Variants in RHOBTB3 observed in about 807,000 individuals in gnomAD.
The protein encoded by RHOBTB3 is Rho related BTB domain containing 3, also known as rho-related BTB domain-containing protein 3.
A neutral mutation model predicts 67.2 loss-of-function variants in RHOBTB3; 47 were observed. That is an observed-to-expected ratio of 0.70 (90% CI 0.55 to 0.89). The LOEUF (loss-of-function observed/expected upper bound fraction) is 0.89. RHOBTB3 is among the 40% of genes least tolerant of loss of function. The probability of loss-of-function intolerance (pLI) is 0.00; values close to 1 mark genes in which losing one functional copy is unlikely to be tolerated. For missense variants in RHOBTB3, 631 were observed against 750.0 expected, an observed-to-expected ratio of 0.84 and a Z score of 1.85; for synonymous variants, 273 against 274.2, an observed-to-expected ratio of 1.00 and a Z score of 0.04.
chr5:95,774,472 C>G (rs1251491839), intron 8 of RHOBTB3, among the ~76,000 whole-genome samples: 1 of 152,108 alleles, frequency 6.6e-6, no homozygotes, highest in African/African-American at 2.4e-5. Flanking sequence ...ATGGCTATAT[C>G]CTATTTTCTT....
intron 8 of RHOBTB3, among the ~76,000 whole-genome samples, chr5:95,770,971 G>A (rs940295514): frequency 6.6e-6 from 1 of 151,918 alleles, no homozygotes; most frequent in Non-Finnish European, 1.5e-5. Flanking sequence ...GATACTGGGT[G>A]AAAGAGCCAC....
intron 4 of RHOBTB3, among the ~76,000 whole-genome samples, chr5:95,750,766 G>A (rs538717801): frequency 6.6e-6 from 1 of 152,252 alleles, no homozygotes; most frequent in South Asian, 2.1e-4. Context: ...ATGGGGAATG[G>A]GGGAGGGGAC....
chr5:95,768,231 T>C, intron 8 of RHOBTB3, 65 bp downstream of exon 8: 1 of 1,486,320 alleles, frequency 6.7e-7, no homozygotes, highest in Non-Finnish European at 9.2e-7. Flanking sequence ...CCTTGCTTTC[T>C]ACTTCAGGTT....
intron 1 of RHOBTB3, among the ~76,000 whole-genome samples, chr5:95,720,480 C>T: frequency 6.6e-6 from 1 of 152,194 alleles, no homozygotes; most frequent in African/African-American, 2.4e-5. Context: ...TCTCCTAATT[C>T]TAGAGTCTAG....
At chr5:95,765,963 G>A (rs902856214) in intron 7 of RHOBTB3, among the ~76,000 whole-genome samples, 5 of 152,036 alleles carry the variant, frequency 3.3e-5, no homozygotes, top group East Asian at 1.9e-4. Flanking sequence ...TGCCCAGCCC[G>A]GTGATGCTTT....
chr5:95,766,372 G>C (rs1159544097), intron 7 of RHOBTB3, among the ~76,000 whole-genome samples: 1 of 151,844 alleles, frequency 6.6e-6, no homozygotes, highest in Non-Finnish European at 1.5e-5. Context: ...TCAGCAGGGG[G>C]AATGGGTGGA....
chr5:95,745,658 T>C (rs1001983411), intron 3 of RHOBTB3, among the ~76,000 whole-genome samples: 5 of 151,856 alleles, frequency 3.3e-5, no homozygotes, highest in African/African-American at 1.2e-4. Flanking sequence ...TAAAAAAAAA[T>C]AGACAGCATT....
chr5:95,780,846 T>G (rs551745520), intron 9 of RHOBTB3, among the ~76,000 whole-genome samples: 1 of 152,290 alleles, frequency 6.6e-6, no homozygotes, highest in South Asian at 2.1e-4. Context: ...TGGGGCACTT[T>G]TAAGGACTTT....
intron 10 of RHOBTB3, among the ~76,000 whole-genome samples, chr5:95,786,605 T>C (rs905713257): frequency 6.6e-6 from 1 of 152,212 alleles, no homozygotes; most frequent in African/African-American, 2.4e-5. Context: ...TATTCTTGTA[T>C]TAAAAATTTT....
chr5:95,725,056 G>A (rs1755012665), intron 1 of RHOBTB3, among the ~76,000 whole-genome samples: 1 of 151,554 alleles, frequency 6.6e-6, no homozygotes, highest in Non-Finnish European at 1.5e-5. Flanking sequence ...CACATGCCAT[G>A]TGACCTAGCA....
Position 95,738,994 on chromosome 5 carries a change from C to T in RHOBTB3, c.415+1919C>T, listed in dbSNP as rs116663123. On this transcript the variant is annotated intron_variant, in intron 3 of 11. Transcript: ENST00000379982. ...CAGAATTGTTTCCCAGGGTTCCGTC[C>T]TTTGACCTCACCTGTTCTTACTCTT... 6.3e-3 allele frequency among the ~76,000 whole-genome samples: 956 copies of T among 152,272 alleles called. 11 individuals are homozygous for T. Among genetic ancestry groups the T allele is most frequent in the African/African-American group, 0.022 (920 of 41,554 alleles).
At chr5:95,763,003 T>C (rs906204422) in intron 6 of RHOBTB3, among the ~76,000 whole-genome samples, 10 of 152,192 alleles carry the variant, frequency 6.6e-5, no homozygotes, top group Non-Finnish European at 8.8e-5. Context: ...TTCCTCAGGC[T>C]GGTTTTGTAG....
intron 8 of RHOBTB3, among the ~76,000 whole-genome samples, chr5:95,778,030 G>A (rs1745939946): frequency 6.6e-6 from 1 of 151,878 alleles, no homozygotes; most frequent in Non-Finnish European, 1.5e-5. Flanking sequence ...TGAGGCACGA[G>A]AATCATTTGA....
intron 3 of RHOBTB3, among the ~76,000 whole-genome samples, chr5:95,741,190 TG>T (rs1200331336): frequency 1.1e-4 from 17 of 151,866 alleles, no homozygotes; most frequent in Middle Eastern, 3.4e-3. Flanking sequence ...TAGCCAGGCG[TG>T]GTGGCAGGTG....
chr5:95,735,154 G>A (rs745448286), intron 2 of RHOBTB3, among the ~76,000 whole-genome samples: 1 of 152,132 alleles, frequency 6.6e-6, no homozygotes, highest in African/African-American at 2.4e-5. Context: ...GTTCTGCTGG[G>A]AAGCTTTCCC....
At chr5:95,727,273 C>A (rs942721207), upstream of RHOBTB3, among the ~76,000 whole-genome samples, 1 of 147,356 alleles carries the variant, frequency 6.8e-6, no homozygotes, top group Admixed American at 6.8e-5. Context: ...CTATGCAAAC[C>A]TAGTTTTCCT....
chr5:95,753,597 C>A (rs1324704193), intron 5 of RHOBTB3, among the ~76,000 whole-genome samples: 4 of 152,108 alleles, frequency 2.6e-5, no homozygotes, highest in Admixed American at 2.6e-4. Flanking sequence ...AAATGATACA[C>A]ACTTGGCTTT....
chr5:95,783,158 A>G (rs756025120), intron 9 of RHOBTB3, among the ~76,000 whole-genome samples: 15 of 150,738 alleles, frequency 1.0e-4, no homozygotes, highest in Admixed American at 9.3e-4. Flanking sequence ...GTATTGCTCT[A>G]TTGCCCAGGC....
At chr5:95,717,679 T>A (rs1276470399) in exon 1 of RHOBTB3, 2 of 152,192 alleles carry the variant, frequency 1.3e-5, no homozygotes, top group Non-Finnish European at 2.9e-5. Context: ...AATCTGTCGA[T>A]ATACAAGCTA....
Sources: gnomAD v4.1 joint callset for allele counts (sites outside exome capture counted in the v4.1 genomes callset) on GRCh38, gnomAD v4.1.1 for gene constraint, MANE v1.5 for transcripts, NCBI Gene and HGNC (gene_info 2026-07-23, HGNC 2026-07-21) for gene names.